SPON1: variants seen among roughly 807,000 people sequenced by gnomAD.
SPON1 encodes the protein spondin-1.
A neutral mutation model predicts 111.7 loss-of-function variants in SPON1; 52 were observed. That is an observed-to-expected ratio of 0.47 (90% CI 0.37 to 0.59). The LOEUF (loss-of-function observed/expected upper bound fraction) is 0.59. SPON1 is among the 20% of genes least tolerant of loss of function. The pLI is 0.00. For synonymous variants in SPON1, 410 were observed against 395.8 expected (o/e 1.04, Z -0.43); for missense variants, 957 against 1,068.5 (o/e 0.90, Z 1.46).
At chr11:13,964,783 C>T (rs1848003669) in intron 1 of SPON1, among the ~76,000 whole-genome samples, 2 of 152,172 alleles carry the variant, frequency 1.3e-5, no homozygotes, top group African/African-American at 4.8e-5. Flanking sequence ...CCGATCCTCC[C>T]TGTGGACCGC....
At chr11:14,232,297 A>C (rs1228044255) in intron 6 of SPON1, among the ~76,000 whole-genome samples, 1 of 151,826 alleles carries the variant, frequency 6.6e-6, no homozygotes, top group Non-Finnish European at 1.5e-5. Flanking sequence ...CCTCCTCCGG[A>C]ATGTAAGCTC....
At chr11:14,002,420 A>G (rs1848326319) in intron 2 of SPON1, among the ~76,000 whole-genome samples, 1 of 152,106 alleles carries the variant, frequency 6.6e-6, no homozygotes, top group Admixed American at 6.5e-5. Context: ...AGAAACACAT[A>G]AGCATGTTGA....
intron 5 of SPON1, among the ~76,000 whole-genome samples, chr11:14,090,848 C>A (rs1332928538): frequency 8.8e-5 from 7 of 79,438 alleles, no homozygotes; most frequent in Non-Finnish European, 1.8e-4. Flanking sequence ...CCCCCCCGCC[C>A]ACATCCTGCT....
intron 10 of SPON1, among the ~76,000 whole-genome samples, chr11:14,257,184 A>T (rs962692990): frequency 6.6e-6 from 1 of 152,242 alleles, no homozygotes; most frequent in Non-Finnish European, 1.5e-5. Flanking sequence ...TTTCTGTCTC[A>T]GTTTCCTCAA....
At chr11:14,094,744 G>A (rs1849085260) in intron 5 of SPON1, among the ~76,000 whole-genome samples, 1 of 152,186 alleles carries the variant, frequency 6.6e-6, no homozygotes, top group African/African-American at 2.4e-5. Flanking sequence ...AGTGGAGGGA[G>A]ATGAGCAATG....
chr11:14,195,919 G>GTGTA (rs1247679974), intron 6 of SPON1, among the ~76,000 whole-genome samples: 2 of 152,156 alleles, frequency 1.3e-5, no homozygotes, highest in African/African-American at 4.8e-5. Context: ...GGGTCTGAGG[G>GTGTA]TGTATACATT....
intron 6 of SPON1, among the ~76,000 whole-genome samples, chr11:14,160,669 TTACATATATTTA>T (rs1847917678): frequency 9.1e-5 from 2 of 21,880 alleles, no homozygotes; most frequent in Non-Finnish European, 7.2e-5. Flanking sequence ...ATATATATAT[TTACATATATTTA>T]TATATATATT....
chr11:13,999,499 G>A (rs568719755), intron 2 of SPON1, among the ~76,000 whole-genome samples: 6 of 150,726 alleles, frequency 4.0e-5, no homozygotes, highest in South Asian at 2.1e-4. Context: ...TCCACCTCCC[G>A]TGTTCAAGCA....
chr11:14,070,875 A>C (rs11023074), intron 3 of SPON1, among the ~76,000 whole-genome samples: 9,992 of 152,290 alleles, frequency 0.066, 454 homozygotes, highest in South Asian at 0.18. Flanking sequence ...ATTTTTGGAA[A>C]TGTTCACTTC....
rs1282292997 is a variant in SPON1 at position 14,160,432 on chromosome 11, T to C, written c.825+24864T>C. On this transcript the variant is annotated intron_variant, in intron 6 of 15. Transcript: ENST00000576479. ...ATATATATATTTATATATATATATT[T>C]ATATATATATTTATATATATATTTA... is the stretch of plus-strand genomic sequence containing the variant. Among the ~76,000 whole-genome samples the C allele has an allele frequency of 1.8e-3, 38 of 21,278 alleles. 8 individuals carry two copies. Among genetic ancestry groups the C allele is most frequent in the Non-Finnish European group, 2.6e-3 (38 of 14,860 alleles). The allele number at this position is 21,278 out of a possible 152,430, so 14.0% of individuals were successfully genotyped here. A position where few individuals can be genotyped will look rare whatever the true frequency, so the allele number is the denominator to read the frequency against.
intron 2 of SPON1, among the ~76,000 whole-genome samples, chr11:14,013,092 G>T (rs1258837819): frequency 6.6e-6 from 1 of 152,102 alleles, no homozygotes; most frequent in Non-Finnish European, 1.5e-5. Context: ...AAATCACTTT[G>T]CTTCAGCCTG....
chr11:14,079,316 TC>T (rs1301656410), intron 4 of SPON1, among the ~76,000 whole-genome samples: 1 of 152,132 alleles, frequency 6.6e-6, no homozygotes, highest in Non-Finnish European at 1.5e-5. Flanking sequence ...CACCCCCTAC[TC>T]CTCCCAGTGA....
At chr11:14,016,143 G>T (rs1554914262) in intron 2 of SPON1, among the ~76,000 whole-genome samples, 2 of 152,246 alleles carry the variant, frequency 1.3e-5, no homozygotes, top group Non-Finnish European at 2.9e-5. Context: ...CCTGCTGGTG[G>T]TGCCTCAGGA....
intron 6 of SPON1, among the ~76,000 whole-genome samples, chr11:14,236,348 A>T (rs1848867215): frequency 6.6e-6 from 1 of 152,108 alleles, no homozygotes; most frequent in African/African-American, 2.4e-5. Context: ...TCCAGGGTGG[A>T]TGGAACTGAA....
chr11:14,068,892 A>G (rs1349993955), intron 3 of SPON1, among the ~76,000 whole-genome samples: 1 of 152,148 alleles, frequency 6.6e-6, no homozygotes, highest in Non-Finnish European at 1.5e-5. Context: ...TCTAGCTTTC[A>G]TCTAACCTTA....
chr11:14,075,480 G>T (rs1253930534), intron 4 of SPON1, 62 bp downstream of exon 4: 3 of 1,223,146 alleles, frequency 2.5e-6, no homozygotes, highest in South Asian at 1.3e-5. Flanking sequence ...CCTCCTGCAC[G>T]ATCCTCCTGC....
In SPON1 at chr11:13,981,453, A is replaced by G. The variant is rs148324292; in HGVS notation, c.239-1394A>G. Among the ~76,000 whole-genome samples the G allele has an allele frequency of 1.8e-3, 277 of 152,222 alleles. 3 individuals are homozygous for G. Among genetic ancestry groups the G allele is most frequent in the African/African-American group, 6.3e-3 (262 of 41,534 alleles). On this transcript the variant is annotated intron_variant, in intron 1 of 15. Coordinates refer to ENST00000576479, the MANE Select transcript of SPON1 (RefSeq NM_006108.4). The stretch of plus-strand genomic sequence containing the variant: ...ACCATTCTCCTGTCTCAGCCTCCCA[A>G]GTAGCTGGGACTACAGGTGCCTACC...
intron 2 of SPON1, among the ~76,000 whole-genome samples, chr11:13,998,928 T>A (rs1003510044): frequency 6.6e-6 from 1 of 152,222 alleles, no homozygotes; most frequent in Non-Finnish European, 1.5e-5. Context: ...TTCATGTATC[T>A]ATTAAGTAGT....
chr11:14,193,326 C>T (rs1467325744), intron 6 of SPON1, among the ~76,000 whole-genome samples: 1 of 152,082 alleles, frequency 6.6e-6, no homozygotes, highest in African/African-American at 2.4e-5. Context: ...CAGAGAGGAC[C>T]CAAGCCTCAC....
Sources: gnomAD v4.1 joint callset for allele counts (sites outside exome capture counted in the v4.1 genomes callset) on GRCh38, gnomAD v4.1.1 for gene constraint, MANE v1.5 for transcripts, NCBI Gene and HGNC (gene_info 2026-07-23, HGNC 2026-07-21) for gene names.